Variants in COL25A1 observed in about 807,000 individuals in gnomAD.
COL25A1 encodes the protein collagen type XXV alpha 1 chain.
In COL25A1, 103 loss-of-function variants were observed where a neutral mutation model predicts 128.4. The observed-to-expected ratio is 0.80, with a 90% CI of 0.68 to 0.94. The LOEUF (loss-of-function observed/expected upper bound fraction) is 0.94. Among genes scored for constraint, COL25A1 ranks in the 40% least tolerant of loss-of-function variants. COL25A1 has a pLI of 0.00. For synonymous variants in COL25A1, 279 were observed against 277.2 expected (o/e 1.01, Z -0.06); for missense variants, 745 against 840.0 (o/e 0.89, Z 1.40).
At chr4:109,284,981 T>A (rs1485842732) in intron 3 of COL25A1, among the ~76,000 whole-genome samples, 5 of 152,034 alleles carry the variant, frequency 3.3e-5, no homozygotes, top group African/African-American at 1.2e-4. Flanking sequence ...AAAGTTATTA[T>A]AATTTTAGTC....
At chr4:108,936,176 T>C (rs1195693759) in intron 11 of COL25A1, among the ~76,000 whole-genome samples, 1 of 152,212 alleles carries the variant, frequency 6.6e-6, no homozygotes, top group Non-Finnish European at 1.5e-5. Flanking sequence ...CTTGTATGCA[T>C]TTACCACTGA....
At chr4:109,069,968 A>AT (rs201884527) in intron 3 of COL25A1, among the ~76,000 whole-genome samples, 48,825 of 127,128 alleles carry the variant, frequency 0.38, 8,322 homozygotes, top group East Asian at 0.57. Context: ...AAGAGCAATA[A>AT]TTTTTTTTTT....
intron 3 of COL25A1, among the ~76,000 whole-genome samples, chr4:109,060,277 A>C (rs1761842703): frequency 6.6e-6 from 1 of 152,156 alleles, no homozygotes; most frequent in Non-Finnish European, 1.5e-5. Context: ...GACTTTGATG[A>C]ATTAGATAAT....
chr4:109,228,364 TAATTCCAAATA>T (rs1189941680), intron 3 of COL25A1, among the ~76,000 whole-genome samples: 1 of 152,160 alleles, frequency 6.6e-6, no homozygotes, highest in Admixed American at 6.5e-5. Context: ...AAACCATACT[TAATTCCAAATA>T]AAGACAATAA....
chr4:109,153,414 C>A (rs996481380), intron 3 of COL25A1, among the ~76,000 whole-genome samples: 21 of 150,224 alleles, frequency 1.4e-4, no homozygotes, highest in Admixed American at 1.3e-4. Flanking sequence ...TCTGTATGTG[C>A]TTTTTTAATA....
At chr4:108,950,797 C>T (rs1749330943) in intron 8 of COL25A1, among the ~76,000 whole-genome samples, 1 of 152,104 alleles carries the variant, frequency 6.6e-6, no homozygotes, top group African/African-American at 2.4e-5. Context: ...TGCTATACGC[C>T]AAGTACAGCG....
chr4:109,186,223 C>T (rs946013862), intron 3 of COL25A1, among the ~76,000 whole-genome samples: 14 of 152,174 alleles, frequency 9.2e-5, no homozygotes, highest in Admixed American at 6.6e-4. Context: ...AATTCTTGGT[C>T]GACTCTCTTC....
intron 8 of COL25A1, among the ~76,000 whole-genome samples, chr4:108,972,449 T>G (rs1752012195): frequency 6.6e-6 from 1 of 152,190 alleles, no homozygotes; most frequent in Non-Finnish European, 1.5e-5. Flanking sequence ...TTTCCTAATA[T>G]GTAGCTAATA....
chr4:109,174,572 G>T (rs931578453), intron 3 of COL25A1, among the ~76,000 whole-genome samples: 9 of 152,094 alleles, frequency 5.9e-5, no homozygotes, highest in African/African-American at 2.2e-4. Flanking sequence ...ACCCCTCTGT[G>T]GCACTGCAGG....
At chr4:108,945,349 T>C (rs1468759512) in intron 8 of COL25A1, among the ~76,000 whole-genome samples, 1 of 152,194 alleles carries the variant, frequency 6.6e-6, no homozygotes, top group African/African-American at 2.4e-5. Context: ...AGGGTTGGTT[T>C]GTAAAGTACA....
At chr4:109,062,572 C>A (rs2345370) in intron 3 of COL25A1, among the ~76,000 whole-genome samples, 118 of 104,572 alleles carry the variant, frequency 1.1e-3, no homozygotes, top group African/African-American at 3.6e-3. Context: ...AAATTCTGTA[C>A]ACAAAGCTTT....
chr4:109,269,934 T>C (rs1056441035), intron 3 of COL25A1, among the ~76,000 whole-genome samples: 5 of 152,168 alleles, frequency 3.3e-5, no homozygotes, highest in African/African-American at 1.2e-4. Flanking sequence ...TCAATAAATG[T>C]AATCCAGCAT....
intron 3 of COL25A1, among the ~76,000 whole-genome samples, chr4:109,105,470 C>T (rs956943400): frequency 6.6e-6 from 1 of 152,106 alleles, no homozygotes; most frequent in Admixed American, 6.6e-5. Flanking sequence ...TAAGGGGATA[C>T]AGAGTAAGAG....
chr4:109,104,728 AAGAG>A lies in COL25A1; in HGVS notation c.368-54553_368-54550del, dbSNP rs536900049. Among the ~76,000 whole-genome samples the A allele has an allele frequency of 3.3e-5, 5 of 152,248 alleles. No individual in the cohort carries two copies. The East Asian group carries it at 5.8e-4, about 18-fold the overall frequency. On this transcript the variant is annotated intron_variant, in intron 3 of 37. Coordinates refer to ENST00000399132, the MANE Select transcript of COL25A1 (RefSeq NM_198721.4). ...CTAATTTCTTCAACAACAGAAAAAA[AAGAG>A]AGAGAGAGGCAACCTATAAATTAAA... is the stretch of plus-strand genomic sequence containing the variant.
At chr4:108,953,753 A>T (rs569447257) in intron 8 of COL25A1, among the ~76,000 whole-genome samples, 1 of 152,178 alleles carries the variant, frequency 6.6e-6, no homozygotes, top group Non-Finnish European at 1.5e-5. Context: ...TAACAATTCA[A>T]ATTTAGTTTA....
At chr4:109,251,517 C>G (rs555454679) in intron 3 of COL25A1, among the ~76,000 whole-genome samples, 14 of 152,208 alleles carry the variant, frequency 9.2e-5, no homozygotes, top group Admixed American at 4.6e-4. Context: ...GAATAGCAGT[C>G]CAATTTCCCC....
At chr4:108,814,030 A>G (rs1400547429) in intron 37 of COL25A1, 101 bp from the exon 38 acceptor site, 3 of 896,180 alleles carry the variant, frequency 3.3e-6, no homozygotes, top group Non-Finnish European at 5.4e-6. Flanking sequence ...AGAACCTTGA[A>G]TAGAGTCTAT....
At chr4:109,225,160 T>C (rs1219156347) in intron 3 of COL25A1, among the ~76,000 whole-genome samples, 1 of 152,318 alleles carries the variant, frequency 6.6e-6, no homozygotes, top group Non-Finnish European at 1.5e-5. Flanking sequence ...ATCACTTCAG[T>C]AGGTATATCT....
chr4:108,965,749 G>A (rs1751222760), intron 8 of COL25A1, among the ~76,000 whole-genome samples: 1 of 151,756 alleles, frequency 6.6e-6, no homozygotes, highest in Non-Finnish European at 1.5e-5. Flanking sequence ...ATGACAACGG[G>A]AGAAGCATTA....
Sources: gnomAD v4.1 joint callset for allele counts (sites outside exome capture counted in the v4.1 genomes callset) on GRCh38, gnomAD v4.1.1 for gene constraint, MANE v1.5 for transcripts, NCBI Gene and HGNC (gene_info 2026-07-23, HGNC 2026-07-21) for gene names.